Variants in RAB8B observed in about 807,000 individuals in gnomAD.
RAB8B encodes the protein RAB8B, member RAS oncogene family, also known as ras-related protein Rab-8B.
In RAB8B, 11 loss-of-function variants were observed where a neutral mutation model predicts 32.0. That is an observed-to-expected ratio of 0.34 (90% confidence interval 0.22 to 0.57). The LOEUF is 0.57. Among genes scored for constraint, RAB8B ranks in the 20% least tolerant of loss-of-function variants. The pLI, the probability that RAB8B is intolerant of heterozygous loss-of-function variation, is 0.86. For missense variants in RAB8B, 190 were observed against 258.5 expected, an observed-to-expected ratio of 0.73 and a Z score of 1.82; for synonymous variants, 103 against 89.6, an observed-to-expected ratio of 1.15 and a Z score of -0.85.
At chr15:63,193,810 C>T (rs1198145123) in intron 1 of RAB8B, among the ~76,000 whole-genome samples, 4 of 142,128 alleles carry the variant, frequency 2.8e-5, no homozygotes, top group African/African-American at 1.0e-4. Flanking sequence ...GACTCCATCT[C>T]AAAAAACAAC....
chr15:63,250,466 G>A (rs555347882), intron 3 of RAB8B, among the ~76,000 whole-genome samples: 9 of 152,200 alleles, frequency 5.9e-5, no homozygotes, highest in African/African-American at 1.9e-4. Context: ...CCAGCTGGCC[G>A]GAAAGAATCT....
chr15:63,191,140 G>A (rs1247523306), intron 1 of RAB8B, among the ~76,000 whole-genome samples: 1 of 152,122 alleles, frequency 6.6e-6, no homozygotes, highest in East Asian at 1.9e-4. Flanking sequence ...TGTTGGTGAT[G>A]TTTCTGGCCT....
chr15:63,251,324 G>A (rs1567020228), intron 3 of RAB8B: 1 of 455,974 alleles, frequency 2.2e-6, no homozygotes, highest in Non-Finnish European at 4.4e-6. Context: ...TAACAGGGAT[G>A]ATTTGGAATA....
intron 1 of RAB8B, among the ~76,000 whole-genome samples, chr15:63,205,164 A>G (rs1846025951): frequency 6.6e-6 from 1 of 152,094 alleles, no homozygotes; most frequent in Non-Finnish European, 1.5e-5. Flanking sequence ...GCAGGGCATG[A>G]TGGTGGGCAC....
chr15:63,221,917 C>T (rs2037847900), intron 1 of RAB8B, among the ~76,000 whole-genome samples: 1 of 152,178 alleles, frequency 6.6e-6, no homozygotes, highest in Admixed American at 6.5e-5. Context: ...TATACAACCC[C>T]AAAATCTCAG....
chr15:63,212,390 C>T (rs1340889344), intron 1 of RAB8B, among the ~76,000 whole-genome samples: 1 of 152,140 alleles, frequency 6.6e-6, no homozygotes, highest in Non-Finnish European at 1.5e-5. Context: ...TCATCTGACT[C>T]ATATTTATTC....
intron 5 of RAB8B, among the ~76,000 whole-genome samples, chr15:63,257,085 T>G (rs1275944815): frequency 2.6e-5 from 4 of 152,202 alleles, no homozygotes; most frequent in Non-Finnish European, 4.4e-5. Flanking sequence ...GTCATTTATA[T>G]GTTGTTTATG....
chr15:63,199,743 C>T (rs2037632535), intron 1 of RAB8B, among the ~76,000 whole-genome samples: 2 of 151,898 alleles, frequency 1.3e-5, no homozygotes, highest in Admixed American at 6.6e-5. Context: ...CTACCACGCC[C>T]AGCCAATTTT....
Position 63,265,934 on chromosome 15 carries a change from C to T in RAB8B, c.*2315C>T, listed in dbSNP as rs1382626392. The T allele has an allele frequency of 2.6e-5, 4 of 152,480 alleles. No individual in the cohort carries two copies. Among genetic ancestry groups the T allele is most frequent in the Admixed American group, 2.6e-4 (4 of 15,266 alleles). 9.4% of individuals were successfully genotyped at this position (152,480 alleles called of 1,614,324 possible). On this transcript the variant is annotated 3_prime_UTR_variant, in exon 8 of 8. Coordinates refer to ENST00000321437, the MANE Select transcript of RAB8B (RefSeq NM_016530.3). The surrounding 1 kb of genome is among the most constrained non-coding windows in gnomAD (Gnocchi z 4.9). ...CTCTGTTATATAGAAATAAATTGTC[C>T]TTGCTATTTTCTTACATTTAGCTTT... is the stretch of plus-strand genomic sequence containing the variant.
chr15:63,262,233 G>T (rs191390677), intron 6 of RAB8B, among the ~76,000 whole-genome samples: 1 of 152,110 alleles, frequency 6.6e-6, no homozygotes, highest in Non-Finnish European at 1.5e-5. Context: ...CAGAGCTTCT[G>T]TCCTGTTCTT....
At chr15:63,257,521 C>T (rs2038167505) in intron 5 of RAB8B, among the ~76,000 whole-genome samples, 2 of 151,740 alleles carry the variant, frequency 1.3e-5, no homozygotes, top group Admixed American at 1.3e-4. Flanking sequence ...CCTGCCTCGG[C>T]CTCCCAAAGT....
rs971529706 is a variant in RAB8B at position 63,265,782 on chromosome 15, T to G, written c.*2163T>G. The G allele has an allele frequency of 9.8e-5, 15 of 152,582 alleles. No homozygotes were observed. The highest frequency in any genetic ancestry group is 3.6e-4 in the African/African-American group (15 of 41,456). 9.5% of individuals were successfully genotyped at this position (152,582 alleles called of 1,614,324 possible). On this transcript the variant is annotated 3_prime_UTR_variant, in exon 8 of 8. Coordinates refer to ENST00000321437, the MANE Select transcript of RAB8B (RefSeq NM_016530.3). This position sits in a 1 kb window ranked among gnomAD's most constrained non-coding sequence, Gnocchi z 4.9. ...ACAGAATGCTTTGCTTTGGTTATAT[T>G]TCTTCTTTCTTCTTTTGTCTTATAT...
chr15:63,220,759 C>A (rs2037837861), intron 1 of RAB8B, among the ~76,000 whole-genome samples: 2 of 152,204 alleles, frequency 1.3e-5, no homozygotes, highest in South Asian at 4.1e-4. Context: ...TATTGAGTGC[C>A]TGTTACTTGC....
At chr15:63,245,365 C>T (rs1380705099) in intron 2 of RAB8B, among the ~76,000 whole-genome samples, 1 of 152,104 alleles carries the variant, frequency 6.6e-6, no homozygotes, top group African/African-American at 2.4e-5. Context: ...AAAATGAAGA[C>T]TGAGAAAAAA....
chr15:63,224,869 T>C (rs1162540306), intron 1 of RAB8B, among the ~76,000 whole-genome samples: 1 of 152,186 alleles, frequency 6.6e-6, no homozygotes, highest in Non-Finnish European at 1.5e-5. Flanking sequence ...TTAGTGTCAC[T>C]TGAGACACAG....
At chr15:63,217,016 A>G (rs537103173) in intron 1 of RAB8B, among the ~76,000 whole-genome samples, 1 of 152,138 alleles carries the variant, frequency 6.6e-6, no homozygotes, top group Non-Finnish European at 1.5e-5. Context: ...GATTACATCT[A>G]TGTTTCTCTT....
Position 63,263,698 on chromosome 15 carries a change from G to T in RAB8B, c.*79G>T, listed in dbSNP as rs1022233544. On this transcript the variant is annotated 3_prime_UTR_variant, in exon 8 of 8. Transcript: ENST00000321437. Reference sequence around the variant, plus strand: ...TGAAAGCACAGGTCACCCAGCCTCAGAATCACACCTCCCGGCTGCTGCTGA... The same window carrying T: ...TGAAAGCACAGGTCACCCAGCCTCATAATCACACCTCCCGGCTGCTGCTGA... 7.9e-6 allele frequency: 9 copies of T among 1,143,546 alleles called. No individual in the cohort carries two copies. The highest frequency in any genetic ancestry group is 1.2e-5 in the Non-Finnish European group (9 of 764,830). The allele number at this position is 1,143,546 out of a possible 1,614,324, so 70.8% of individuals were successfully genotyped here.
Position 63,265,352 on chromosome 15 carries a change from G to A in RAB8B, c.*1733G>A, listed in dbSNP as rs1490222608. On this transcript the variant is annotated 3_prime_UTR_variant, in exon 8 of 8. Transcript: ENST00000321437. This position sits in a 1 kb window ranked among gnomAD's most constrained non-coding sequence, Gnocchi z 4.9. ...TTTTAATAGATATACTAAACTTATT[G>A]TTGACAAATTTCAGCCTCCTTAATT... is the stretch of plus-strand genomic sequence containing the variant. 2.6e-5 allele frequency: 4 copies of A among 151,220 alleles called. No individual in the cohort carries two copies. The highest frequency in any genetic ancestry group is 6.6e-5 in the Admixed American group (1 of 15,188). The allele number at this position is 151,220 out of a possible 1,614,324, so 9.4% of individuals were successfully genotyped here. A position where few individuals can be genotyped will look rare whatever the true frequency, so the allele number is the denominator to read the frequency against.
Position 63,244,741 on chromosome 15 carries a change from T to G in RAB8B, c.125-15T>G, listed in dbSNP as rs1216271817. On this transcript the variant is annotated splice_polypyrimidine_tract_variant and intron_variant, in intron 1 of 7. Coordinates refer to ENST00000321437, the MANE Select transcript of RAB8B (RefSeq NM_016530.3). ...CTGAAGAAACTTAACATATCTTTCT[T>G]TGTTTTTCTGGCAGGAATTGATTTT... The G allele has an allele frequency of 1.3e-6, 2 of 1,542,480 alleles. No individual in the cohort carries two copies. Among genetic ancestry groups the G allele is most frequent in the Admixed American group, 3.5e-5 (2 of 57,532 alleles).
Sources: gnomAD v4.1 joint callset for allele counts (sites outside exome capture counted in the v4.1 genomes callset) on GRCh38, gnomAD v4.1.1 for gene constraint, Gnocchi (gnomAD v3.1) non-coding constraint, MANE v1.5 for transcripts, NCBI Gene and HGNC (gene_info 2026-07-23, HGNC 2026-07-21) for gene names.